The following RALGAPA1 variants were observed in gnomAD, a reference collection of about 807,000 sequenced individuals.
RALGAPA1 encodes the protein Ral GTPase activating protein catalytic subunit alpha 1.
RALGAPA1 carries 52 observed loss-of-function variants against 269.6 expected under a neutral mutation model. The observed-to-expected ratio is 0.19, with a 90% confidence interval of 0.15 to 0.24. The LOEUF is 0.24. RALGAPA1 is among the 10% of genes least tolerant of loss of function. The pLI is 1.00. For synonymous variants in RALGAPA1, 817 were observed against 1,008.3 expected, an observed-to-expected ratio of 0.81 and a Z score of 3.60; for missense variants, 1,917 against 3,013.9, an observed-to-expected ratio of 0.64 and a Z score of 8.52.
intron 35 of RALGAPA1, among the ~76,000 whole-genome samples, chr14:35,619,166 T>A (rs2060445699): frequency 6.6e-6 from 1 of 152,052 alleles, no homozygotes; most frequent in Non-Finnish European, 1.5e-5. Context: ...ACAAAAATGA[T>A]AGACAAATCT....
At chr14:35,623,320 C>T (rs1439014752) in intron 35 of RALGAPA1, among the ~76,000 whole-genome samples, 1 of 152,008 alleles carries the variant, frequency 6.6e-6, no homozygotes, top group Non-Finnish European at 1.5e-5. Flanking sequence ...CTCTCTCTCT[C>T]TCTCACACAC....
chr14:35,712,331 T>G (rs1016017468), intron 16 of RALGAPA1, among the ~76,000 whole-genome samples: 3 of 152,116 alleles, frequency 2.0e-5, no homozygotes, highest in African/African-American at 7.2e-5. Flanking sequence ...ATATTTTACT[T>G]TCATTCATTA....
At chr14:35,769,035 A>AAAAAAAAAAAAAAAAAAATAT (rs1567192786) in intron 4 of RALGAPA1, among the ~76,000 whole-genome samples, 1 of 58,300 alleles carries the variant, frequency 1.7e-5, no homozygotes, top group East Asian at 5.7e-4. Flanking sequence ...AAAAAAAAAA[A>AAAAAAAAAAAAAAAAAAATAT]ATATATATAT....
At chr14:35,654,586 A>AG in intron 29 of RALGAPA1, 109 bp from the exon 30 acceptor site, 1 of 1,278,404 alleles carries the variant, frequency 7.8e-7, no homozygotes, top group Non-Finnish European at 1.0e-6. Flanking sequence ...TATAAATCCT[A>AG]CATTTATAGG....
intron 31 of RALGAPA1, among the ~76,000 whole-genome samples, chr14:35,644,490 G>C (rs1307538836): frequency 6.6e-6 from 1 of 152,132 alleles, no homozygotes; most frequent in Non-Finnish European, 1.5e-5. Flanking sequence ...AAGTGGGAAA[G>C]GGGGACTACG....
At chr14:35,706,497 A>C (rs916220730) in intron 16 of RALGAPA1, 1 of 151,254 alleles carries the variant, frequency 6.6e-6, no homozygotes, top group African/African-American at 2.4e-5. Flanking sequence ...CTATTCTCTC[A>C]CCCATACCAT....
At chr14:35,634,837 C>T (rs930880741) in intron 32 of RALGAPA1, 80 bp from the exon 33 acceptor site, 2 of 1,296,058 alleles carry the variant, frequency 1.5e-6, no homozygotes, top group Non-Finnish European at 2.1e-6. Context: ...TAAAAATCAA[C>T]TGGTAACACA....
intron 10 of RALGAPA1, among the ~76,000 whole-genome samples, chr14:35,745,450 C>G (rs1008007305): frequency 2.7e-5 from 4 of 150,324 alleles, no homozygotes; most frequent in African/African-American, 7.3e-5. Context: ...CACACACACA[C>G]AGTATTATCC....
At chr14:35,756,986 C>T (rs2073230564) in intron 6 of RALGAPA1, 78 bp from the exon 7 acceptor site, 1 of 1,257,382 alleles carries the variant, frequency 8.0e-7, no homozygotes, top group Admixed American at 3.1e-5. Flanking sequence ...TAAACTTTAA[C>T]TGCAAAATGA....
At chr14:35,645,385 GTGTGTA>G (rs1488249654) in intron 31 of RALGAPA1, among the ~76,000 whole-genome samples, 27 of 149,930 alleles carry the variant, frequency 1.8e-4, no homozygotes, top group Admixed American at 4.7e-4. Flanking sequence ...GTGTGTGTGT[GTGTGTA>G]TATGTTATGT....
chr14:35,742,763 T>TA (rs199500409), intron 10 of RALGAPA1, among the ~76,000 whole-genome samples, 198 bp from the exon 11 acceptor site: 3,025 of 128,698 alleles, frequency 0.024, 98 homozygotes, highest in African/African-American at 0.074. Context: ...ATATTTCTAG[T>TA]AAAAAAAAAA....
intron 31 of RALGAPA1, among the ~76,000 whole-genome samples, chr14:35,635,931 G>A (rs2061639069): frequency 6.6e-6 from 1 of 152,110 alleles, no homozygotes; most frequent in Admixed American, 6.5e-5. Context: ...AACACAAATG[G>A]AAGTCCATAT....
intron 41 of RALGAPA1, among the ~76,000 whole-genome samples, chr14:35,541,040 ATTTTTTTTT>A (rs559979336): frequency 3.4e-5 from 3 of 89,170 alleles, no homozygotes; most frequent in Non-Finnish European, 6.0e-5. Context: ...GAACACTTCA[ATTTTTTTTT>A]TTTTTTTTTT....
intron 4 of RALGAPA1, among the ~76,000 whole-genome samples, chr14:35,765,446 T>C (rs1179375396): frequency 1.3e-5 from 2 of 151,964 alleles, no homozygotes; most frequent in Non-Finnish European, 2.9e-5. Context: ...ATATACATGG[T>C]ATATATATTT....
At chr14:35,669,314 G>T (rs1425251234) in intron 26 of RALGAPA1, among the ~76,000 whole-genome samples, 2 of 152,094 alleles carry the variant, frequency 1.3e-5, no homozygotes, top group Non-Finnish European at 2.9e-5. Context: ...GAGTGCAATG[G>T]TGCGATCTCG....
chr14:35,701,612 T>C (rs1344554278), intron 16 of RALGAPA1, among the ~76,000 whole-genome samples: 2 of 152,184 alleles, frequency 1.3e-5, no homozygotes, highest in Non-Finnish European at 1.5e-5. Context: ...TCCTTCATAC[T>C]TGAAGTATCA....
At chr14:35,613,981 G>A (rs2060105484) in intron 35 of RALGAPA1, among the ~76,000 whole-genome samples, 1 of 152,080 alleles carries the variant, frequency 6.6e-6, no homozygotes, top group Non-Finnish European at 1.5e-5. Context: ...GCTGATCAAA[G>A]CTGTACAGGA....
At chr14:35,747,473 C>G (rs1292990346) in intron 10 of RALGAPA1, among the ~76,000 whole-genome samples, 1 of 152,148 alleles carries the variant, frequency 6.6e-6, no homozygotes, top group African/African-American at 2.4e-5. Context: ...GAACCACTGC[C>G]AACACTGGAC....
At chr14:35,784,129 C>CAA (rs547204394) in intron 1 of RALGAPA1, among the ~76,000 whole-genome samples, 477 of 139,378 alleles carry the variant, frequency 3.4e-3, no homozygotes, top group African/African-American at 0.011. Context: ...TCATCTCTAT[C>CAA]AAAAAAAAAA....
Sources: allele counts gnomAD v4.1 joint callset (sites outside exome capture counted in the v4.1 genomes callset), GRCh38; gene constraint gnomAD v4.1.1; transcripts MANE v1.5; gene names NCBI Gene and HGNC (gene_info 2026-07-23, HGNC 2026-07-21).